The following RERE variants were observed in gnomAD, a reference collection of about 807,000 sequenced individuals.
The protein encoded by RERE is arginine-glutamic acid dipeptide repeats protein.
Under a neutral mutation model 146.1 loss-of-function variants are expected in RERE, and 40 were observed. The ratio of observed to expected loss-of-function variants is 0.27; its 90% CI spans 0.21 to 0.36. The LOEUF is 0.36. RERE is among the 10% of genes least tolerant of loss of function. The pLI, the probability that RERE is intolerant of heterozygous loss-of-function variation, is 1.00. For missense variants in RERE, 1,933 were observed against 2,138.7 expected (o/e 0.90, Z 1.90); for synonymous variants, 1,003 against 866.0 (o/e 1.16, Z -2.78).
chr1:8,737,517 G>T (rs910260714), intron 1 of RERE, among the ~76,000 whole-genome samples: 6 of 152,054 alleles, frequency 3.9e-5, no homozygotes, highest in African/African-American at 7.2e-5. Flanking sequence ...AAAAACAATT[G>T]CAAGTTGAAG....
At chr1:8,375,276 T>C (rs535888861) in intron 12 of RERE, among the ~76,000 whole-genome samples, 19 of 152,350 alleles carry the variant, frequency 1.2e-4, no homozygotes, top group African/African-American at 4.1e-4. Flanking sequence ...TATTTTGCCA[T>C]GTAAGGTCAT....
chr1:8,378,308 C>A (rs1642331558), intron 12 of RERE, among the ~76,000 whole-genome samples: 2 of 152,192 alleles, frequency 1.3e-5, no homozygotes, highest in African/African-American at 4.8e-5. Flanking sequence ...CTTCTCTGTG[C>A]TCTTGTGTAA....
rs931974293 is a variant in RERE, at chr1:8,469,860, G to C, written c.1105-3837C>G. ...ACATCTCGTTGTGGTTGTTCCGTTT[G>C]TTAGAGAGCATGGCTGCAGCCTGCA... On this transcript the variant is annotated intron_variant, in intron 10 of 22. Transcript: ENST00000400908. Among the ~76,000 whole-genome samples, 16 of 152,278 alleles carry C rather than the reference G, an allele frequency of 1.1e-4. No homozygotes were observed. In the South Asian group the frequency reaches 3.1e-3, roughly 30 times the overall value.
chr1:8,661,574 T>TAGTAGCAC (rs951303102), intron 1 of RERE, among the ~76,000 whole-genome samples: 2 of 150,428 alleles, frequency 1.3e-5, no homozygotes, highest in African/African-American at 5.0e-5. Flanking sequence ...AGGGCTGGGG[T>TAGTAGCAC]AGTAGCAACA....
Position 8,754,110 on chromosome 1 carries a change from T to C in RERE, c.-145+63050A>G, listed in dbSNP as rs575766557. On this transcript the variant is annotated intron_variant, in intron 1 of 22. Transcript: ENST00000400908. ...TTAATCAAGGTATTACTGCACATCATGATGTCTTGTAAAGGTTGAAATCCC... is the reference window on the plus strand; with the variant it reads ...TTAATCAAGGTATTACTGCACATCACGATGTCTTGTAAAGGTTGAAATCCC... Among the ~76,000 whole-genome samples the C allele has an allele frequency of 4.6e-5, 7 of 152,328 alleles. No individual in the cohort carries two copies. The South Asian group carries it at 1.4e-3, about 32-fold the overall frequency.
At chr1:8,622,874 T>C (rs922025369) in intron 3 of RERE, among the ~76,000 whole-genome samples, 4 of 152,200 alleles carry the variant, frequency 2.6e-5, no homozygotes, top group African/African-American at 9.7e-5. Flanking sequence ...CTTTTCAAAC[T>C]ACATTTCTTT....
intron 7 of RERE, among the ~76,000 whole-genome samples, chr1:8,513,825 C>A (rs1377373676): frequency 6.6e-6 from 1 of 152,144 alleles, no homozygotes; most frequent in Non-Finnish European, 1.5e-5. Context: ...GTAATCATTT[C>A]TTAAAGATGT....
intron 12 of RERE, among the ~76,000 whole-genome samples, chr1:8,367,945 G>C (rs1215315742): frequency 6.6e-6 from 1 of 152,198 alleles, no homozygotes; most frequent in Non-Finnish European, 1.5e-5. Context: ...CATAAACGCT[G>C]ACTTGTGTCT....
chr1:8,615,076 A>C (rs1646836117), intron 3 of RERE, among the ~76,000 whole-genome samples: 1 of 152,256 alleles, frequency 6.6e-6, no homozygotes, highest in Non-Finnish European at 1.5e-5. Flanking sequence ...ACAAGTGGAC[A>C]AACTGAGCTT....
At chr1:8,567,046 C>T (rs2124443788) in intron 4 of RERE, among the ~76,000 whole-genome samples, 1 of 152,262 alleles carries the variant, frequency 6.6e-6, no homozygotes, top group Middle Eastern at 3.4e-3. Context: ...GACTCGGCCT[C>T]CCAAAGTGCT....
chr1:8,401,917 G>A (rs575907681), intron 12 of RERE, among the ~76,000 whole-genome samples: 1 of 152,218 alleles, frequency 6.6e-6, no homozygotes, highest in African/African-American at 2.4e-5. Context: ...CCAGGCTGGA[G>A]TGCAGTGGCA....
At chr1:8,371,770 AC>A (rs1642046061) in intron 12 of RERE, among the ~76,000 whole-genome samples, 1 of 152,088 alleles carries the variant, frequency 6.6e-6, no homozygotes. Context: ...GGGGCTGCCT[AC>A]CTCCTAGAGG....
chr1:8,518,187 T>G (rs1226514423), intron 7 of RERE, among the ~76,000 whole-genome samples: 5 of 151,956 alleles, frequency 3.3e-5, no homozygotes, highest in African/African-American at 1.2e-4. Flanking sequence ...GGGAGGAGGA[T>G]AGAGATATGG....
chr1:8,396,880 T>G (rs1365725382), intron 12 of RERE, among the ~76,000 whole-genome samples: 2 of 152,180 alleles, frequency 1.3e-5, no homozygotes, highest in East Asian at 3.9e-4. Context: ...CAGTATCAGT[T>G]TATTCACTTT....
At chr1:8,721,930 C>T (rs1419180423) in intron 1 of RERE, among the ~76,000 whole-genome samples, 2 of 152,204 alleles carry the variant, frequency 1.3e-5, no homozygotes, top group East Asian at 1.9e-4. Flanking sequence ...ATTGCATTTG[C>T]TTTGCTGCGC....
intron 7 of RERE, among the ~76,000 whole-genome samples, chr1:8,537,599 T>C (rs1279305015): frequency 6.6e-6 from 1 of 152,240 alleles, no homozygotes; most frequent in Non-Finnish European, 1.5e-5. Flanking sequence ...TTACTATAGA[T>C]GCTTTATCAG....
rs1441247721 is a variant in RERE at position 8,356,227 on chromosome 1, G to A, written c.4359C>T (p.His1453=). 6.6e-7 allele frequency: 1 copy of A among 1,525,838 alleles called. No individual in the cohort carries two copies. Among genetic ancestry groups the A allele is most frequent in the Non-Finnish European group, 8.7e-7 (1 of 1,148,042 alleles). The allele number at this position is 1,525,838 out of a possible 1,614,324, so 94.5% of individuals were successfully genotyped here. A position where few individuals can be genotyped will look rare whatever the true frequency, so the allele number is the denominator to read the frequency against. ...CGGCAGTCAGGGGGTCGACCAGCGG[G>A]TGAACGGGGCCTGCTGAACCTAAGG... ...PLHQGSAGPV[H]PLVDPLTAGP... The change falls in exon 21 of 23, where the codon CAC becomes CAT. Residue 1453 remains histidine, a synonymous_variant. Coordinates refer to ENST00000400908, the MANE Select transcript of RERE (RefSeq NM_001042681.2). The surrounding 1 kb of genome is among the most constrained non-coding windows in gnomAD (Gnocchi z 5.2).
intron 12 of RERE, among the ~76,000 whole-genome samples, chr1:8,387,838 AAAC>A (rs2124420002): frequency 6.6e-6 from 1 of 152,346 alleles, no homozygotes; most frequent in East Asian, 1.9e-4. Context: ...ACAGCTGGAA[AAAC>A]AACAATCTGC....
intron 1 of RERE, among the ~76,000 whole-genome samples, chr1:8,760,146 C>T (rs1640725130): frequency 6.6e-6 from 1 of 152,142 alleles, no homozygotes; most frequent in Non-Finnish European, 1.5e-5. Flanking sequence ...CTGCCTCAGC[C>T]TCCTGAGTAG....
Sources: gnomAD v4.1 joint callset for allele counts (sites outside exome capture counted in the v4.1 genomes callset) on GRCh38, gnomAD v4.1.1 for gene constraint, Gnocchi (gnomAD v3.1) non-coding constraint, MANE v1.5 for transcripts, NCBI Gene and HGNC (gene_info 2026-07-23, HGNC 2026-07-21) for gene names.